Variants in TPR observed in about 807,000 individuals in gnomAD.
TPR encodes the protein nucleoprotein TPR.
Under a neutral mutation model 316.1 loss-of-function variants are expected in TPR, and 51 were observed. The ratio of observed to expected loss-of-function variants is 0.16; its 90% CI spans 0.13 to 0.20. The LOEUF (loss-of-function observed/expected upper bound fraction) is 0.20. Ranked by LOEUF, TPR falls within the 10% of genes least tolerant of loss-of-function variation. The probability of loss-of-function intolerance (pLI) is 1.00; values close to 1 mark genes in which losing one functional copy is unlikely to be tolerated. For synonymous variants in TPR, 981 were observed against 914.7 expected, an observed-to-expected ratio of 1.07 and a Z score of -1.31; for missense variants, 2,272 against 2,754.8, an observed-to-expected ratio of 0.82 and a Z score of 3.92.
rs561852977 is a variant in TPR at position 186,343,839 on chromosome 1, T to C, written c.3602+67A>G. 86 of 1,320,878 alleles carry C rather than the reference T, an allele frequency of 6.5e-5. No individual in the cohort carries two copies. In the South Asian group the frequency reaches 1.2e-3, roughly 18 times the overall value. The allele number at this position is 1,320,878 out of a possible 1,614,324, so 81.8% of individuals were successfully genotyped here. A position where few individuals can be genotyped will look rare whatever the true frequency, so the allele number is the denominator to read the frequency against. On this transcript the variant is annotated intron_variant, in intron 26 of 50. Transcript: ENST00000367478. ...TCGTGTATAATCTCCTTCTCTAATT[T>C]ATATATTTGTAGTTTCATTTCATAG...
At chr1:186,324,042 T>C (rs995811362) in intron 42 of TPR, among the ~76,000 whole-genome samples, 172 bp from the exon 43 acceptor site, 1 of 152,096 alleles carries the variant, frequency 6.6e-6, no homozygotes, top group Non-Finnish European at 1.5e-5. Context: ...CCAGAGACAA[T>C]GGGATGTGTA....
rs753011566 is a variant in TPR, at chr1:186,314,002, C to G, written c.7061G>C (p.Arg2354Thr). The G allele has an allele frequency of 1.2e-6, 2 of 1,611,714 alleles. No individual in the cohort carries two copies. Among genetic ancestry groups the G allele is most frequent in the East Asian group, 2.2e-5 (1 of 44,754 alleles). The stretch of plus-strand genomic sequence containing the variant: ...AATATTTCCTCTGTTTATTCCTCCT[C>G]TCCCTCCCATTGCATGGCTCACACC... ...QRGVSHAMGG[R>T]GGINRGNIN The change falls in exon 51 of 51, where the codon AGA becomes ACA. Residue 2354 changes from arginine to threonine, a missense_variant. Arg to Thr is a moderately conservative substitution (Grantham distance 71). Around this residue, in one of 10 missense-constraint regions of TPR, gnomAD observed 123 missense variants for 142.3 expected, o/e 0.86. Transcript: ENST00000367478.
intron 39 of TPR, among the ~76,000 whole-genome samples, chr1:186,331,238 T>C (rs568049029): frequency 6.6e-6 from 1 of 152,190 alleles, no homozygotes; most frequent in East Asian, 1.9e-4. Context: ...GGAAAAATCT[T>C]GGCTCACAAC....
At chr1:186,358,949 T>A (rs540741523) in intron 12 of TPR, among the ~76,000 whole-genome samples, 1 of 152,218 alleles carries the variant, frequency 6.6e-6, no homozygotes, top group Admixed American at 6.5e-5. Flanking sequence ...AAAGTCAATA[T>A]TCTCAGGCAG....
rs1455576299 is a variant in TPR at position 186,328,174 on chromosome 1, T to C, written c.5689-514A>G. On this transcript the variant is annotated intron_variant, in intron 39 of 50. Transcript: ENST00000367478. The stretch of plus-strand genomic sequence containing the variant: ...TTAATGTCTTCCTATAGAAGAATTA[T>C]CATAAATCTTATTGGTTAATACTCC... 2.0e-5 allele frequency among the ~76,000 whole-genome samples: 3 copies of C among 152,062 alleles called. No individual in the cohort carries two copies. In the East Asian group the frequency reaches 5.8e-4, roughly 29 times the overall value.
intron 4 of TPR, among the ~76,000 whole-genome samples, chr1:186,364,263 G>A (rs1168253825): frequency 6.6e-6 from 1 of 151,986 alleles, no homozygotes; most frequent in Non-Finnish European, 1.5e-5. Flanking sequence ...AAGAAGCAGG[G>A]AAATATCACG....
At chr1:186,318,651 A>C (rs1390557383) in intron 47 of TPR, 48 bp from the exon 48 acceptor site, 1 of 1,604,254 alleles carries the variant, frequency 6.2e-7, no homozygotes, top group Non-Finnish European at 8.5e-7. Flanking sequence ...TTTGTGGTTT[A>C]TCACATTTTT....
intron 17 of TPR, 112 bp downstream of exon 17, chr1:186,355,298 C>T (rs979416016): frequency 4.6e-5 from 51 of 1,119,298 alleles, no homozygotes; most frequent in Non-Finnish European, 6.3e-5. Flanking sequence ...CATTCTGGAA[C>T]ACAGTTCACA....
chr1:186,373,545 C>T (rs1160560981), intron 1 of TPR, 82 bp from the exon 2 acceptor site: 11 of 797,772 alleles, frequency 1.4e-5, no homozygotes, highest in Admixed American at 2.5e-5. Flanking sequence ...TTTCTAATAA[C>T]CTTGATTTTA....
intron 22 of TPR, 114 bp from the exon 23 acceptor site, chr1:186,346,401 T>C (rs372686695): frequency 1.8e-6 from 2 of 1,103,348 alleles, no homozygotes; most frequent in Non-Finnish European, 2.4e-6. Flanking sequence ...GTTTGTTGTA[T>C]ATTAAAAAAA....
Position 186,375,205 on chromosome 1 carries a change from C to T in TPR, c.-177G>A, listed in dbSNP as rs1435958387. 6.7e-7 allele frequency: 1 copy of T among 1,503,674 alleles called. No individual in the cohort carries two copies. The highest frequency in any genetic ancestry group is 1.4e-5 in the African/African-American group (1 of 71,126). The allele number at this position is 1,503,674 out of a possible 1,614,324, so 93.1% of individuals were successfully genotyped here. A position where few individuals can be genotyped will look rare whatever the true frequency, so the allele number is the denominator to read the frequency against. On this transcript the variant is annotated 5_prime_UTR_variant, in exon 1 of 51. Coordinates refer to ENST00000367478, the MANE Select transcript of TPR (RefSeq NM_003292.3). ...CGGGACCCTGGGAAATCGAGTCCAC[C>T]CTCAGCGGCAGCGTTTCAGCAACAG...
At chr1:186,336,900 A>G in intron 32 of TPR, 113 bp downstream of exon 32, 1 of 1,498,502 alleles carries the variant, frequency 6.7e-7, no homozygotes, top group Non-Finnish European at 9.0e-7. Context: ...CAAAGTAAAA[A>G]GAATAAAATG....
rs371370904 is a variant in TPR at position 186,361,584 on chromosome 1, A to G, written c.958+38T>C. On this transcript the variant is annotated intron_variant, in intron 9 of 50. Coordinates refer to ENST00000367478, the MANE Select transcript of TPR (RefSeq NM_003292.3). ...AGGGTAAAAAAAAAAAAAGAGTACA[A>G]TAACAAAAATAATGTTCCCATAACT... The G allele has an allele frequency of 3.8e-6, 6 of 1,596,292 alleles. No individual in the cohort carries two copies. In the African/African-American group the frequency reaches 6.7e-5, roughly 18 times the overall value.
Position 186,362,956 on chromosome 1 carries a change from G to T in TPR, c.577C>A (p.Gln193Lys). The change falls in exon 6 of 51, where the codon CAG becomes AAG. Residue 193 changes from glutamine to lysine, a missense_variant. Physicochemically the swap from Gln to Lys is moderately conservative, Grantham distance 53. Transcript: ENST00000367478. ...LEQEKELLHS[Q>K]NTWLNTELKT... is the part of the protein sequence containing the mutation. ...AACTCTGTATTCAGCCATGTATTCT[G>T]ACTATGTAGCAATTCCTTTTCTTGC... 6.2e-7 allele frequency: 1 copy of T among 1,608,200 alleles called. No individual in the cohort carries two copies.
At position 186,327,122 on chromosome 1, in the gene TPR, T is replaced by C. The variant is rs546739987; in HGVS notation, c.5889+338A>G. Among the ~76,000 whole-genome samples, 2 of 16,860 alleles carry C rather than the reference T, an allele frequency of 1.2e-4. 1 individual carries two copies. Among genetic ancestry groups the C allele is most frequent in the Non-Finnish European group, 2.1e-4 (2 of 9,492 alleles). 11.1% of individuals were successfully genotyped at this position (16,860 alleles called of 152,430 possible). ...TTATATATATAAATATATATAAATA[T>C]ATAACATATATATTATATATATAAA... On this transcript the variant is annotated intron_variant, in intron 40 of 50. Coordinates refer to ENST00000367478, the MANE Select transcript of TPR (RefSeq NM_003292.3).
chr1:186,356,602 A>G (rs540247315), intron 14 of TPR, 153 bp from the exon 15 acceptor site: 2 of 676,566 alleles, frequency 3.0e-6, no homozygotes, highest in Middle Eastern at 3.4e-4. Context: ...TTTATGAACT[A>G]CTTTTTAAAT....
intron 45 of TPR, among the ~76,000 whole-genome samples, chr1:186,321,494 T>C (rs991336481): frequency 2.6e-5 from 4 of 152,216 alleles, no homozygotes; most frequent in African/African-American, 7.2e-5. Context: ...ACTTCCTTGC[T>C]GTCTGACCTC....
chr1:186,360,933 T>G lies in TPR; in HGVS notation c.959-28A>C. ...AAAAAACAATTTTAAAGACCAAATA[T>G]TCAAACATACAGTTAAAATTTTAGT... is the stretch of plus-strand genomic sequence containing the variant. On this transcript the variant is annotated intron_variant, in intron 9 of 50. Transcript: ENST00000367478. 2 of 1,601,532 alleles carry G rather than the reference T, an allele frequency of 1.2e-6. 1 individual carries two copies. Among genetic ancestry groups the G allele is most frequent in the South Asian group, 2.2e-5 (2 of 89,806 alleles).
chr1:186,339,793 A>G (rs1400302939), intron 29 of TPR, 21 bp from the exon 30 acceptor site: 1 of 1,547,476 alleles, frequency 6.5e-7, no homozygotes, highest in South Asian at 1.2e-5. Context: ...AAAAATGCAT[A>G]CTTGATTTTT....
Sources: gnomAD v4.1 joint callset for allele counts (sites outside exome capture counted in the v4.1 genomes callset) on GRCh38, gnomAD v4.1.1 for gene constraint, gnomAD v4.1.1 regional missense constraint, MANE v1.5 for transcripts, NCBI Gene and HGNC (gene_info 2026-07-23, HGNC 2026-07-21) for gene names.